The following IGSF3 variants were observed in gnomAD, a reference collection of about 807,000 sequenced individuals.
IGSF3 encodes the protein glu-Trp-Ile EWI motif-containing protein 3.
IGSF3 carries 23 observed loss-of-function variants against 114.4 expected under a neutral mutation model. The ratio of observed to expected loss-of-function variants is 0.20; its 90% CI spans 0.14 to 0.28. The LOEUF (loss-of-function observed/expected upper bound fraction) is 0.28. Ranked by LOEUF, IGSF3 falls within the 10% of genes least tolerant of loss-of-function variation. The probability of loss-of-function intolerance (pLI) is 1.00; values close to 1 mark genes in which losing one functional copy is unlikely to be tolerated. For synonymous variants in IGSF3, 571 were observed against 645.2 expected, an observed-to-expected ratio of 0.88 and a Z score of 1.74; for missense variants, 1,172 against 1,591.5, an observed-to-expected ratio of 0.74 and a Z score of 4.48.
At position 116,614,031 on chromosome 1, in the gene IGSF3, C is replaced by A; in HGVS notation, c.566G>T (p.Gly189Val). The change falls in exon 4 of 11, where the codon GGC (glycine) becomes GTC (valine). Residue 189 changes from glycine to valine, a missense_variant. This residue lies in a region of IGSF3 where 736 missense variants were observed against 1,042.0 expected (regional missense o/e 0.71). Transcript: ENST00000369486. The surrounding 1 kb of genome is among the most constrained non-coding windows in gnomAD (Gnocchi z 4.5). ...GGAGATGACCTCCACGGGCTTCTCG[C>A]CAACTTTCTGCCGGAGCCAGGCCAC... Reference protein sequence around the residue: ...LSVAWLRQKVGEKPVEVISLS... With the variant: ...LSVAWLRQKVVEKPVEVISLS... The A allele has an allele frequency of 1.2e-6, 2 of 1,614,118 alleles. No individual in the cohort carries two copies. Among genetic ancestry groups the A allele is most frequent in the Non-Finnish European group, 1.7e-6 (2 of 1,180,004 alleles).
rs1218400757 is a variant in IGSF3 at position 116,666,831 on chromosome 1, CA to C, written c.-506del. 6.4e-5 allele frequency: 26 copies of C among 408,690 alleles called. No homozygotes were observed. Among genetic ancestry groups the C allele is most frequent in the Non-Finnish European group, 4.3e-6 (1 of 231,936 alleles). 25.3% of individuals were successfully genotyped at this position (408,690 alleles called of 1,614,324 possible). On this transcript the variant is annotated 5_prime_UTR_variant, in exon 2 of 11. An upstream open reading frame in the 5' UTR loses its in-frame stop. Coordinates refer to ENST00000369486, the MANE Select transcript of IGSF3 (RefSeq NM_001007237.3). ...GCATCAACCGTTTGGGTTTCTTCAC[CA>C]AAAAGTCCGTTTCCATCCATGGTGG...
intron 6 of IGSF3, among the ~76,000 whole-genome samples, chr1:116,601,557 TAAAAA>T (rs1276495927): frequency 6.6e-6 from 1 of 152,198 alleles, no homozygotes; most frequent in Non-Finnish European, 1.5e-5. Context: ...AATATTTTGT[TAAAAA>T]TAAAATAGAA....
intron 2 of IGSF3, among the ~76,000 whole-genome samples, chr1:116,630,920 G>A (rs950337115): frequency 1.2e-4 from 19 of 152,168 alleles, no homozygotes; most frequent in African/African-American, 4.6e-4. Context: ...GAGTACTGCA[G>A]CAGTTTGACA....
chr1:116,634,169 A>C lies in IGSF3; in HGVS notation c.44-17712T>G, dbSNP rs1191271800. Among the ~76,000 whole-genome samples, 1 of 152,272 alleles carries C rather than the reference A, an allele frequency of 6.6e-6. No homozygotes were observed. Among genetic ancestry groups the C allele is most frequent in the African/African-American group, 2.4e-5 (1 of 41,462 alleles). ...TTCGGTATCCTTTTTAATTGAACAC[A>C]TGTGAATGTATTACCTATTCGAAAA... On this transcript the variant is annotated intron_variant, in intron 2 of 10. Coordinates refer to ENST00000369486, the MANE Select transcript of IGSF3 (RefSeq NM_001007237.3). This position sits in a 1 kb window ranked among gnomAD's most constrained non-coding sequence, Gnocchi z 4.2.
rs956053695 is a variant in IGSF3 at position 116,657,809 on chromosome 1, A to G, written c.43+8475T>C. Among the ~76,000 whole-genome samples, 3 of 152,210 alleles carry G rather than the reference A, an allele frequency of 2.0e-5. No individual in the cohort carries two copies. The highest frequency in any genetic ancestry group is 7.2e-5 in the African/African-American group (3 of 41,438). The stretch of plus-strand genomic sequence containing the variant: ...TCTGAAGCATCAGACAATGGGTCAC[A>G]TGCAAAAACAGAATTAAATACACAA... On this transcript the variant is annotated intron_variant, in intron 2 of 10. Transcript: ENST00000369486. The surrounding 1 kb of genome is among the most constrained non-coding windows in gnomAD (Gnocchi z 4.2).
At chr1:116,590,931 A>C (rs2878693) in intron 7 of IGSF3, among the ~76,000 whole-genome samples, 2 of 152,270 alleles carry the variant, frequency 1.3e-5, no homozygotes, top group African/African-American at 4.8e-5. Context: ...CATCTCCCGC[A>C]GTAAATCGGA....
chr1:116,617,792 C>G (rs1216132466), intron 2 of IGSF3, among the ~76,000 whole-genome samples: 2 of 152,224 alleles, frequency 1.3e-5, no homozygotes, highest in African/African-American at 2.4e-5. Context: ...TCTGCTGGAA[C>G]ATTCTGTGGC....
chr1:116,631,465 G>A (rs1647585890), intron 2 of IGSF3, among the ~76,000 whole-genome samples: 1 of 152,198 alleles, frequency 6.6e-6, no homozygotes, highest in African/African-American at 2.4e-5. Flanking sequence ...GGCCCTGGCA[G>A]AAGATTCCTT....
intron 8 of IGSF3, among the ~76,000 whole-genome samples, chr1:116,586,012 TG>T (rs1659828550): frequency 6.6e-6 from 1 of 152,204 alleles, no homozygotes; most frequent in African/African-American, 2.4e-5. Context: ...CATGCCCCGA[TG>T]GCATGCTTGT....
chr1:116,587,236 T>C (rs559187136), intron 8 of IGSF3, among the ~76,000 whole-genome samples: 1 of 152,346 alleles, frequency 6.6e-6, no homozygotes, highest in South Asian at 2.1e-4. Context: ...ATATGTATTC[T>C]AGTATAAAAA....
chr1:116,614,259 G>A lies in IGSF3; in HGVS notation c.422-84C>T. ...AGGGCTAAGCTCCCATTCCACGCAGGCGTCACTGCACTGCGCCCCTAACAG... is the reference window on the plus strand; with the variant it reads ...AGGGCTAAGCTCCCATTCCACGCAGACGTCACTGCACTGCGCCCCTAACAG... On this transcript the variant is annotated intron_variant, in intron 3 of 10. Transcript: ENST00000369486. This position sits in a 1 kb window ranked among gnomAD's most constrained non-coding sequence, Gnocchi z 4.5. 1.8e-6 allele frequency: 2 copies of A among 1,139,864 alleles called. No individual in the cohort carries two copies. The highest frequency in any genetic ancestry group is 2.6e-6 in the Non-Finnish European group (2 of 771,786). The allele number at this position is 1,139,864 out of a possible 1,614,324, so 70.6% of individuals were successfully genotyped here.
Position 116,625,402 on chromosome 1 carries a change from T to C in IGSF3, c.44-8945A>G, listed in dbSNP as rs537293831. 6.6e-5 allele frequency among the ~76,000 whole-genome samples: 10 copies of C among 152,234 alleles called. No homozygotes were observed. The highest frequency in any genetic ancestry group is 1.3e-4 in the Non-Finnish European group (9 of 68,050). ...GGAAATATATACCACGTGAAAACAC[T>C]GCAGTGCATTCCAGGATTAGCAAGA... On this transcript the variant is annotated intron_variant, in intron 2 of 10. Coordinates refer to ENST00000369486, the MANE Select transcript of IGSF3 (RefSeq NM_001007237.3). This position sits in a 1 kb window ranked among gnomAD's most constrained non-coding sequence, Gnocchi z 4.7.
At position 116,644,317 on chromosome 1, in the gene IGSF3, G is replaced by A. The variant is rs995504512; in HGVS notation, c.43+21967C>T. Among the ~76,000 whole-genome samples, 1 of 152,210 alleles carries A rather than the reference G, an allele frequency of 6.6e-6. No homozygotes were observed. The highest frequency in any genetic ancestry group is 1.5e-5 in the Non-Finnish European group (1 of 68,044). On this transcript the variant is annotated intron_variant, in intron 2 of 10. Coordinates refer to ENST00000369486, the MANE Select transcript of IGSF3 (RefSeq NM_001007237.3). The surrounding 1 kb of genome is among the most constrained non-coding windows in gnomAD (Gnocchi z 5.6). The stretch of plus-strand genomic sequence containing the variant: ...TGCAGAAAACTGCAGTCATTTGGCC[G>A]CTTGTTAAGGAGAGCCCTGAGCAGC...
chr1:116,658,331 C>T (rs1444454651), intron 2 of IGSF3, among the ~76,000 whole-genome samples: 2 of 152,150 alleles, frequency 1.3e-5, no homozygotes, highest in Admixed American at 6.5e-5. Flanking sequence ...TGAGCCACCA[C>T]GCCTGGCCTG....
In IGSF3 at chr1:116,625,194, A is replaced by C. The variant is rs999152571; in HGVS notation, c.44-8737T>G. On this transcript the variant is annotated intron_variant, in intron 2 of 10. Transcript: ENST00000369486. This position sits in a 1 kb window ranked among gnomAD's most constrained non-coding sequence, Gnocchi z 4.7. ...CAGAAACTGTGAGGGAGAGATTGAT[A>C]AGACATAGTTGACAAGTTGTCCTAA... 2.0e-5 allele frequency among the ~76,000 whole-genome samples: 3 copies of C among 152,248 alleles called. No individual in the cohort carries two copies. Among genetic ancestry groups the C allele is most frequent in the African/African-American group, 7.2e-5 (3 of 41,474 alleles).
At position 116,612,645 on chromosome 1, in the gene IGSF3, C is replaced by T. The variant is rs2101487568; in HGVS notation, c.832+1120G>A. On this transcript the variant is annotated intron_variant, in intron 4 of 10. Transcript: ENST00000369486. The surrounding 1 kb of genome is among the most constrained non-coding windows in gnomAD (Gnocchi z 4.1). The stretch of plus-strand genomic sequence containing the variant: ...AAGAGACAGGTCCTGACGAAGGACC[C>T]CACCTGTACTGCAACTCACCAGGTC... Among the ~76,000 whole-genome samples, 1 of 152,358 alleles carries T rather than the reference C, an allele frequency of 6.6e-6. No individual in the cohort carries two copies. The highest frequency in any genetic ancestry group is 2.1e-4 in the South Asian group (1 of 4,834).
In IGSF3 at chr1:116,576,553, T is replaced by A. The variant is rs1480865292; in HGVS notation, c.*759A>T. 2 of 152,656 alleles carry A rather than the reference T, an allele frequency of 1.3e-5. No individual in the cohort carries two copies. Among genetic ancestry groups the A allele is most frequent in the African/African-American group, 2.4e-5 (1 of 41,452 alleles). 9.5% of individuals were successfully genotyped at this position (152,656 alleles called of 1,614,324 possible). The stretch of plus-strand genomic sequence containing the variant: ...CCCATTCTCCAAGACAGTTTTCTTA[T>A]TTTTTGGCAAGGATGGGATGAAGCC... On this transcript the variant is annotated 3_prime_UTR_variant, in exon 11 of 11. Transcript: ENST00000369486. The surrounding 1 kb of genome is among the most constrained non-coding windows in gnomAD (Gnocchi z 4.6).
rs1288307307 is a variant in IGSF3, at chr1:116,633,576, C to CA, written c.44-17120dup. ...GGAAAGGTGCATGTAAGTGAGAGAA[C>CA]AAAAAATTTCACAATCATGGGGACC... On this transcript the variant is annotated intron_variant, in intron 2 of 10. Transcript: ENST00000369486. The surrounding 1 kb of genome is among the most constrained non-coding windows in gnomAD (Gnocchi z 4.3). Among the ~76,000 whole-genome samples, 1 of 152,024 alleles carries CA rather than the reference C, an allele frequency of 6.6e-6. No individual in the cohort carries two copies. Among genetic ancestry groups the CA allele is most frequent in the Non-Finnish European group, 1.5e-5 (1 of 67,994 alleles).
In IGSF3 at chr1:116,658,817, G is replaced by A. The variant is rs560918754; in HGVS notation, c.43+7467C>T. 2.0e-5 allele frequency among the ~76,000 whole-genome samples: 3 copies of A among 152,312 alleles called. No homozygotes were observed. The South Asian group carries it at 6.2e-4, about 32-fold the overall frequency. On this transcript the variant is annotated intron_variant, in intron 2 of 10. Transcript: ENST00000369486. ...CTTGCCTGGCCTCTCTCCCCCAGTA[G>A]ACACCTACCCTCAGTGAACACATCC...
Sources: gnomAD v4.1 joint callset for allele counts (sites outside exome capture counted in the v4.1 genomes callset) on GRCh38, gnomAD v4.1.1 for gene constraint, gnomAD v4.1.1 regional missense constraint, Gnocchi (gnomAD v3.1) non-coding constraint, MANE v1.5 for transcripts, NCBI Gene and HGNC (gene_info 2026-07-23, HGNC 2026-07-21) for gene names.